Variants in RPS4X observed in about 807,000 individuals in gnomAD.
RPS4X encodes small ribosomal subunit protein eS4, X isoform.
For synonymous variants in RPS4X, 76 were observed against 76.8 expected (o/e 0.99, Z 0.06); for missense variants, 90 against 219.1 (o/e 0.41, Z 3.72).
Position 72,276,180 on chromosome X carries a change from G to A in RPS4X, c.58C>T (p.Leu20=). 1.7e-6 allele frequency: 2 copies of A among 1,208,805 alleles called. No homozygotes were observed. Among genetic ancestry groups the A allele is most frequent in the Non-Finnish European group, 2.2e-6 (2 of 893,416 alleles). The change falls in exon 2 of 7, where the codon CTG becomes TTG. Residue 20 remains leucine, a synonymous_variant. Transcript: ENST00000316084. The stretch of plus-strand genomic sequence containing the variant: ...ACAAACACACCGGTCAATTTATCCA[G>A]CATCCAATGCTTTGGAGCTGCCACC... ...KRVAAPKHWM[L]DKLTGVFAPR... is the part of the protein sequence containing the mutation.
Position 72,272,074 on chromosome X carries a change from A to G in RPS4X, c.*597T>C, listed in dbSNP as rs1174740178. On this transcript the variant is annotated 3_prime_UTR_variant, in exon 7 of 7. Transcript: ENST00000316084. ...AAGCAAGAACAAGTTTATGTTCTAC[A>G]TCTCTGTCCTCTGAAAAACAGAGTT... The G allele has an allele frequency of 1.8e-5, 2 of 112,491 alleles. No homozygotes were observed. The highest frequency in any genetic ancestry group is 5.6e-4 in the East Asian group (2 of 3,585). 9.3% of individuals were successfully genotyped at this position (112,491 alleles called of 1,213,427 possible). A position where few individuals can be genotyped will look rare whatever the true frequency, so the allele number is the denominator to read the frequency against.
rs2043191255 is a variant in RPS4X, at chrX:72,273,950, T to C, written c.383A>G (p.Lys128Arg). Residue 128 changes from lysine to arginine, a missense_variant, in exon 5 of 7, where the codon AAG (lysine) becomes AGG (arginine). Coordinates refer to ENST00000316084, the MANE Select transcript of RPS4X (RefSeq NM_001007.5). ...EAKYKLCKVR[K>R]IFVGTKGIPH... ...GATTCCTTTTGTGCCCACAAAGATC[T>C]TTCTCACTTTGCACAACTTGTACTA... The C allele has an allele frequency of 3.3e-6, 4 of 1,210,838 alleles. No homozygotes were observed. Among genetic ancestry groups the C allele is most frequent in the Non-Finnish European group, 4.5e-6 (4 of 894,833 alleles).
chrX:72,275,440 T>C, intron 3 of RPS4X, 104 bp downstream of exon 3: 1 of 656,355 alleles, frequency 1.5e-6, no homozygotes, highest in South Asian at 3.0e-5. Context: ...GCTTTGTTTC[T>C]GAGACTTGAC....
chrX:72,276,385 T>G (rs1222199485), intron 1 of RPS4X, 151 bp from the exon 2 acceptor site: 2 of 452,288 alleles, frequency 4.4e-6, no homozygotes, highest in South Asian at 7.5e-5. Flanking sequence ...ACAAACACAG[T>G]TATTTAACAA....
chrX:72,275,788 T>A, intron 2 of RPS4X, 64 bp from the exon 3 acceptor site: 1 of 908,544 alleles, frequency 1.1e-6, no homozygotes, highest in Non-Finnish European at 1.5e-6. Flanking sequence ...TACCTCCTAG[T>A]CCACCAGATC....
intron 4 of RPS4X, 94 bp downstream of exon 4, chrX:72,274,959 C>A: frequency 1.9e-6 from 1 of 526,968 alleles, no homozygotes; most frequent in Non-Finnish European, 3.4e-6. Flanking sequence ...CTAATCAATA[C>A]CCACCTCATT....
intron 1 of RPS4X, 74 bp from the exon 2 acceptor site, chrX:72,276,308 C>A: frequency 1.7e-5 from 13 of 772,868 alleles, no homozygotes; most frequent in South Asian, 2.4e-5. Context: ...AAACTAAACT[C>A]TTAGTTTAGT....
chrX:72,276,657 C>G (rs1172466160), intron 1 of RPS4X, among the ~76,000 whole-genome samples: 1 of 112,133 alleles, frequency 8.9e-6, no homozygotes, highest in East Asian at 2.8e-4. Context: ...CTGTTTTTGA[C>G]ACGTATGGAA....
intron 1 of RPS4X, among the ~76,000 whole-genome samples, chrX:72,276,936 A>C (rs2043207177): frequency 8.9e-6 from 1 of 112,157 alleles, no homozygotes; most frequent in South Asian, 3.7e-4. Flanking sequence ...GAGGAAAAGC[A>C]GCTTCTCCCG....
chrX:72,274,480 C>A (rs1244524693), intron 4 of RPS4X: 2 of 341,309 alleles, frequency 5.9e-6, no homozygotes, highest in Non-Finnish European at 1.2e-5. Flanking sequence ...ATTAAATTAA[C>A]CTTCATTTAC....
intron 4 of RPS4X, chrX:72,274,525 A>G (rs925818917): frequency 6.1e-6 from 2 of 325,213 alleles, no homozygotes; most frequent in Non-Finnish European, 6.1e-6. Context: ...ACTTTTGTGT[A>G]AAACCATCAA....
chrX:72,272,850 CTCACT>C (rs1001101562), intron 6 of RPS4X, 78 bp from the exon 7 acceptor site: 12 of 688,271 alleles, frequency 1.7e-5, no homozygotes, highest in African/African-American at 1.5e-4. Flanking sequence ...CATTTGTCAC[CTCACT>C]TAACAGAACT....
At position 72,273,116 on chromosome X, in the gene RPS4X, A is replaced by G; in HGVS notation, c.690+116T>C. 3 of 681,613 alleles carry G rather than the reference A, an allele frequency of 4.4e-6. No individual in the cohort carries two copies. The South Asian group carries it at 8.3e-5, about 19-fold the overall frequency. The allele number at this position is 681,613 out of a possible 1,213,427, so 56.2% of individuals were successfully genotyped here. ...CCAGCTCTGCGTGAGTCCTATCCAG[A>G]AGAGGCTTTGCACTAGGTTCAGCAG... On this transcript the variant is annotated intron_variant, in intron 6 of 6. Coordinates refer to ENST00000316084, the MANE Select transcript of RPS4X (RefSeq NM_001007.5).
intron 6 of RPS4X, 125 bp from the exon 7 acceptor site, chrX:72,272,897 C>T (rs1384866862): frequency 2.4e-5 from 12 of 503,327 alleles, no homozygotes; most frequent in Non-Finnish European, 4.0e-5. Context: ...TTGGCATCAG[C>T]TAGGCAGTTG....
In RPS4X at chrX:72,272,622, A is replaced by G. The variant is rs761674944; in HGVS notation, c.*49T>C. On this transcript the variant is annotated 3_prime_UTR_variant, in exon 7 of 7. Transcript: ENST00000316084. ...CCAAAATGCTATTAATCCTGCCACA[A>G]TATTTTTAATTACGTACAAAGATCT... 3 of 910,714 alleles carry G rather than the reference A, an allele frequency of 3.3e-6. No individual in the cohort carries two copies. Among genetic ancestry groups the G allele is most frequent in the Non-Finnish European group, 4.7e-6 (3 of 639,801 alleles). The allele number at this position is 910,714 out of a possible 1,213,427, so 75.1% of individuals were successfully genotyped here.
At chrX:72,274,225 TCTTCC>T (rs1853989467) in intron 4 of RPS4X, 2 of 390,552 alleles carry the variant, frequency 5.1e-6, no homozygotes, top group Admixed American at 8.8e-5. Flanking sequence ...CCCTGGGAAT[TCTTCC>T]CTTCAACTCA....
chrX:72,274,983 G>A (rs1269505621), intron 4 of RPS4X, 70 bp downstream of exon 4: 3 of 651,701 alleles, frequency 4.6e-6, no homozygotes, highest in Non-Finnish European at 2.5e-6. Flanking sequence ...AGCAGCACTC[G>A]TACTCAATGC....
In RPS4X at chrX:72,275,140, G is replaced by A. The variant is rs1403888889; in HGVS notation, c.273C>T (p.Ser91=). Residue 91 remains serine, a synonymous_variant, in exon 4 of 7, where the codon AGC becomes AGT. Transcript: ENST00000316084. ...GGAAATTCTCTCCCGTCTTGTCAATGCTGATGACATCTGAAATCAAGCAGT... is the reference window on the plus strand; with the variant it reads ...GGAAATTCTCTCCCGTCTTGTCAATACTGATGACATCTGAAATCAAGCAGT... ...TYPAGFMDVI[S]IDKTGENFRL... is the part of the protein sequence containing the mutation. The A allele has an allele frequency of 2.5e-6, 3 of 1,191,379 alleles. No individual in the cohort carries two copies. Among genetic ancestry groups the A allele is most frequent in the Admixed American group, 4.4e-5 (2 of 45,796 alleles).
At chrX:72,276,273 A>C (rs375343987) in intron 1 of RPS4X, 39 bp from the exon 2 acceptor site, 511 of 1,051,287 alleles carry the variant, frequency 4.9e-4, no homozygotes, top group Admixed American at 5.0e-4. Flanking sequence ...ATCAGGTTTC[A>C]GAACAGCTTA....
Sources: allele counts gnomAD v4.1 joint callset (sites outside exome capture counted in the v4.1 genomes callset), GRCh38; gene constraint gnomAD v4.1.1; transcripts MANE v1.5; gene names NCBI Gene and HGNC (gene_info 2026-07-23, HGNC 2026-07-21).